The following SCART1 variants were observed in gnomAD, a reference collection of about 807,000 sequenced individuals.
SCART1 encodes scavenger receptor cysteine-rich domain-containing protein SCART1.
In SCART1, 62 loss-of-function variants were observed where a neutral mutation model predicts 36.2. The ratio of observed to expected loss-of-function variants is 1.71; its 90% CI spans 1.40 to 2.12. The LOEUF (loss-of-function observed/expected upper bound fraction) is 2.12. SCART1 is among the 30% of genes most tolerant of loss of function. The pLI is 0.00. For missense variants in SCART1, 1,041 were observed against 540.5 expected (o/e 1.93, Z -9.18); for synonymous variants, 487 against 238.7 (o/e 2.04, Z -9.59).
rs1427271157 is a variant in SCART1 at position 133,458,286 on chromosome 10, G to A, written c.683-74G>A. The A allele has an allele frequency of 1.9e-5, 13 of 701,998 alleles. No homozygotes were observed. The East Asian group carries it at 3.5e-4, about 19-fold the overall frequency. 43.5% of individuals were successfully genotyped at this position (701,998 alleles called of 1,614,324 possible). A position where few individuals can be genotyped will look rare whatever the true frequency, so the allele number is the denominator to read the frequency against. ...TGATGGCTCCTGGCTGAAGCCTTCC[G>A]CAGTCTGAGGCTCAGGGCCAGGCTG... On this transcript the variant is annotated intron_variant, in intron 3 of 11. Coordinates refer to ENST00000640237, the Ensembl canonical transcript of SCART1.
chr10:133,456,470 G>C, exon 2 of SCART1: 1 of 702,016 alleles, frequency 1.4e-6, no homozygotes, highest in Non-Finnish European at 2.6e-6. Context: ...CCGGGGCAAC[G>C]AGTCCTCCCT....
chr10:133,459,585 G>A (rs543403287), exon 6 of SCART1: 46 of 675,338 alleles, frequency 6.8e-5, no homozygotes, highest in Middle Eastern at 2.4e-4. Flanking sequence ...CCTGGACGAT[G>A]CCTGGGACCT....
intron 1 of SCART1, among the ~76,000 whole-genome samples, chr10:133,454,796 T>C (rs1005880324): frequency 1.3e-5 from 2 of 151,890 alleles, no homozygotes; most frequent in Admixed American, 1.3e-4. Flanking sequence ...GGGGTGGAAG[T>C]CTGTGGGCAG....
chr10:133,465,460 G>A (rs1363381551), exon 9 of SCART1: 14 of 528,352 alleles, frequency 2.6e-5, no homozygotes, highest in Non-Finnish European at 3.9e-5. Flanking sequence ...GTGGCTGGAC[G>A]AGGTGGGGTG....
At chr10:133,465,307 C>A in exon 9 of SCART1, 1 of 681,596 alleles carries the variant, frequency 1.5e-6, no homozygotes, top group South Asian at 1.6e-5. Context: ...GCGCGTGGAG[C>A]TCTGGCACGC....
intron 10 of SCART1, among the ~76,000 whole-genome samples, chr10:133,466,617 G>C (rs1850768514): frequency 6.6e-6 from 1 of 152,236 alleles, no homozygotes; most frequent in Non-Finnish European, 1.5e-5. Context: ...TCCATGCCTT[G>C]GATGGCCTCT....
chr10:133,456,043 C>T (rs1447560662), intron 1 of SCART1, among the ~76,000 whole-genome samples, 194 bp from the exon 2 acceptor site: 1 of 152,044 alleles, frequency 6.6e-6, no homozygotes, highest in African/African-American at 2.4e-5. Flanking sequence ...AGGGGAGTAG[C>T]CCCCGGGGAG....
At chr10:133,464,709 G>A (rs1205832207) in exon 7 of SCART1, 4 of 702,014 alleles carry the variant, frequency 5.7e-6, no homozygotes, top group Non-Finnish European at 7.8e-6. Flanking sequence ...ATGCCCTGAA[G>A]GACCTCTCCT....
exon 6 of SCART1, chr10:133,459,643 A>G: frequency 1.5e-6 from 1 of 684,702 alleles, no homozygotes. Flanking sequence ...AGAGGGGCCC[A>G]GCAAGCCTAT....
intron 6 of SCART1, chr10:133,464,348 T>G (rs1850738268): frequency 2.6e-6 from 1 of 391,622 alleles, no homozygotes; most frequent in South Asian, 4.9e-5. Flanking sequence ...ACCTGGGTGC[T>G]GCAGTGAACC....
rs1283027233 is a variant in SCART1 at position 133,465,571 on chromosome 10, TG to T, written c.2659+12del. The T allele has an allele frequency of 2.9e-5, 16 of 549,970 alleles. No individual in the cohort carries two copies. The South Asian group carries it at 3.9e-4, about 13-fold the overall frequency. 34.1% of individuals were successfully genotyped at this position (549,970 alleles called of 1,614,324 possible). On this transcript the variant is annotated splice_region_variant and intron_variant, in intron 9 of 11. Coordinates refer to ENST00000640237, the Ensembl canonical transcript of SCART1. ...CGCGGGCGTGCGCTGCTGGGGTGAG[TG>T]GGGGGCGGTGGGAAGTCGGTCATGG...
intron 3 of SCART1, 27 bp downstream of exon 3, chr10:133,457,602 T>C (rs1298401485): frequency 1.5e-6 from 1 of 667,154 alleles, no homozygotes; most frequent in Non-Finnish European, 2.7e-6. Flanking sequence ...ATGTTCCCAG[T>C]GACCCTTGGG....
At chr10:133,459,065 G>C (rs751814745) in exon 5 of SCART1, 1 of 700,960 alleles carries the variant, frequency 1.4e-6, no homozygotes, top group South Asian at 1.5e-5. Flanking sequence ...GGGCCGCGTG[G>C]AGTTCCAGGT....
At chr10:133,459,859 T>A in exon 6 of SCART1, 1 of 562,398 alleles carries the variant, frequency 1.8e-6, no homozygotes, top group South Asian at 2.2e-5. Context: ...CCGGGCGCCC[T>A]GACTCTGTCT....
rs1411543327 is a variant in SCART1 at position 133,460,018 on chromosome 10, T to TG, written c.1822dup (p.Ala608GlyfsTer343). On this transcript the variant is annotated frameshift_variant, in exon 6 of 12. Coordinates refer to ENST00000640237, the Ensembl canonical transcript of SCART1. LOFTEE classifies it high-confidence loss of function. ...GGCTGTGGCCGCGCCCTGAGCGCCC[T>TG]GGGGGCCGCACACTTCGGAGCCGGG... 1.9e-6 allele frequency: 1 copy of TG among 527,064 alleles called. No individual in the cohort carries two copies. The highest frequency in any genetic ancestry group is 3.3e-6 in the Non-Finnish European group (1 of 302,594). 32.6% of individuals were successfully genotyped at this position (527,064 alleles called of 1,614,324 possible).
chr10:133,457,513 G>A, exon 3 of SCART1: 1 of 702,750 alleles, frequency 1.4e-6, no homozygotes, highest in East Asian at 2.7e-5. Flanking sequence ...CGCAGCTGCA[G>A]ACTGGACAAC....
At chr10:133,459,971 G>A (rs1200592020) in exon 6 of SCART1, 1 of 545,120 alleles carries the variant, frequency 1.8e-6, no homozygotes. Context: ...TGCGGGACGC[G>A]CACGTGGTCT....
exon 12 of SCART1, chr10:133,468,598 T>C (rs1426399566): frequency 6.6e-6 from 1 of 152,208 alleles, no homozygotes; most frequent in Non-Finnish European, 1.5e-5. Context: ...CTATGAAATA[T>C]AATATTTGAT....
At chr10:133,456,383 G>A (rs1043410065) in exon 2 of SCART1, 14 of 702,786 alleles carry the variant, frequency 2.0e-5, no homozygotes, top group Admixed American at 8.0e-5. Flanking sequence ...GCTGGGCTGC[G>A]GCCCTGCCGT....
Sources: allele counts gnomAD v4.1 joint callset (sites outside exome capture counted in the v4.1 genomes callset), GRCh38; gene constraint gnomAD v4.1.1; transcripts MANE v1.5; gene names NCBI Gene and HGNC (gene_info 2026-07-23, HGNC 2026-07-21).